SORCS2: variants seen among roughly 807,000 people sequenced by gnomAD.
SORCS2 encodes the protein sortilin related VPS10 domain containing receptor 2.
Under a neutral mutation model 141.6 loss-of-function variants are expected in SORCS2, and 100 were observed. The ratio of observed to expected loss-of-function variants is 0.71; its 90% CI spans 0.60 to 0.83. The LOEUF (loss-of-function observed/expected upper bound fraction) is 0.83. Among genes scored for constraint, SORCS2 ranks in the 40% least tolerant of loss-of-function variants. The probability of loss-of-function intolerance (pLI) is 0.00; values close to 1 mark genes in which losing one functional copy is unlikely to be tolerated. For synonymous variants in SORCS2, 789 were observed against 676.9 expected (o/e 1.17, Z -2.57); for missense variants, 1,646 against 1,560.2 (o/e 1.05, Z -0.93).
chr4:7,718,655 A>G (rs962227377), intron 18 of SORCS2, among the ~76,000 whole-genome samples: 1 of 152,260 alleles, frequency 6.6e-6, no homozygotes, highest in African/African-American at 2.4e-5. Flanking sequence ...ATGGACAGAT[A>G]CAGATATAAA....
intron 3 of SORCS2, among the ~76,000 whole-genome samples, chr4:7,602,351 T>G (rs1717759658): frequency 6.6e-6 from 1 of 150,690 alleles, no homozygotes; most frequent in Non-Finnish European, 1.5e-5. Flanking sequence ...CGCTCCTCAC[T>G]TCCCAGACGG....
At chr4:7,338,444 A>T (rs939086694) in intron 1 of SORCS2, among the ~76,000 whole-genome samples, 3 of 149,358 alleles carry the variant, frequency 2.0e-5, no homozygotes, top group Non-Finnish European at 4.4e-5. Flanking sequence ...GGATGGATGG[A>T]TGAATGGCCT....
At chr4:7,730,084 G>A (rs1023543801) in intron 23 of SORCS2, among the ~76,000 whole-genome samples, 12 of 152,156 alleles carry the variant, frequency 7.9e-5, no homozygotes, top group East Asian at 7.7e-4. Context: ...TGTGGGTTTC[G>A]GGGCCGAGCA....
intron 1 of SORCS2, among the ~76,000 whole-genome samples, chr4:7,258,657 T>C (rs1458296105): frequency 6.6e-6 from 1 of 152,248 alleles, no homozygotes; most frequent in Non-Finnish European, 1.5e-5. Context: ...TTTGGGTATA[T>C]ACCCAGTAAT....
chr4:7,492,381 C>A (rs944871614), intron 2 of SORCS2, among the ~76,000 whole-genome samples: 1 of 152,218 alleles, frequency 6.6e-6, no homozygotes, highest in Non-Finnish European at 1.5e-5. Context: ...CCAGGCCCAT[C>A]CATGTTGCTG....
intron 3 of SORCS2, among the ~76,000 whole-genome samples, chr4:7,559,764 C>T (rs375617660): frequency 5.9e-5 from 9 of 152,196 alleles, no homozygotes; most frequent in Non-Finnish European, 1.0e-4. Context: ...TTTCCCCCTC[C>T]GGGTGGTTGT....
At chr4:7,723,157 C>G (rs1450457282) in intron 18 of SORCS2, among the ~76,000 whole-genome samples, 5 of 152,154 alleles carry the variant, frequency 3.3e-5, no homozygotes, top group Admixed American at 3.3e-4. Flanking sequence ...CTGCACTCAC[C>G]CTGCCCCATC....
At chr4:7,506,503 C>A (rs57659586) in intron 2 of SORCS2, among the ~76,000 whole-genome samples, 2 of 134,672 alleles carry the variant, frequency 1.5e-5, no homozygotes, top group East Asian at 2.3e-4. Flanking sequence ...CTCATTCATT[C>A]ATTTGTTCAT....
intron 1 of SORCS2, among the ~76,000 whole-genome samples, chr4:7,370,546 T>C (rs1359659879): frequency 2.0e-5 from 3 of 152,268 alleles, no homozygotes; most frequent in Non-Finnish European, 2.9e-5. Context: ...GCAGCTTGGC[T>C]GACTAATATT....
intron 2 of SORCS2, among the ~76,000 whole-genome samples, chr4:7,412,449 C>T (rs1323758118): frequency 6.6e-6 from 1 of 152,142 alleles, no homozygotes; most frequent in African/African-American, 2.4e-5. Flanking sequence ...ACAGCCCTGC[C>T]CATCCAGACG....
intron 2 of SORCS2, among the ~76,000 whole-genome samples, chr4:7,484,899 C>T (rs1385759763): frequency 6.6e-6 from 1 of 152,166 alleles, no homozygotes; most frequent in African/African-American, 2.4e-5. Context: ...CTCCTCCACA[C>T]AGCCTGCCTC....
At chr4:7,272,058 G>T (rs1404409464) in intron 1 of SORCS2, among the ~76,000 whole-genome samples, 1 of 152,214 alleles carries the variant, frequency 6.6e-6, no homozygotes, top group Non-Finnish European at 1.5e-5. Flanking sequence ...ACGTGGATGG[G>T]GTTTCCAATG....
intron 1 of SORCS2, among the ~76,000 whole-genome samples, chr4:7,395,345 TG>T (rs1166922942): frequency 6.6e-6 from 1 of 152,184 alleles, no homozygotes; most frequent in Non-Finnish European, 1.5e-5. Flanking sequence ...GGCTAACAGC[TG>T]CTCCAAAACC....
At chr4:7,315,758 C>A (rs1303867294) in intron 1 of SORCS2, among the ~76,000 whole-genome samples, 1 of 152,226 alleles carries the variant, frequency 6.6e-6, no homozygotes, top group East Asian at 1.9e-4. Context: ...CTTCTGCCAT[C>A]TGCTCTGGTT....
intron 4 of SORCS2, among the ~76,000 whole-genome samples, chr4:7,641,070 G>T (rs991159316): frequency 2.6e-5 from 4 of 152,164 alleles, no homozygotes; most frequent in Admixed American, 6.5e-5. Flanking sequence ...GCCCAAATCA[G>T]CAGCCTTCCC....
rs1217435818 is a variant in SORCS2, at chr4:7,661,571, C to T, written c.952+7C>T. On this transcript the variant is annotated splice_region_variant and intron_variant, in intron 6 of 26. Coordinates refer to ENST00000507866, the MANE Select transcript of SORCS2 (RefSeq NM_020777.3). ...GCCCAAGACCTCGGTGGAGGTAAGC[C>T]GGGCAGTGCACAGGCACCGGGTATC... 39 of 1,551,464 alleles carry T rather than the reference C, an allele frequency of 2.5e-5. No individual in the cohort carries two copies. Among genetic ancestry groups the T allele is most frequent in the Middle Eastern group, 1.7e-4 (1 of 6,010 alleles).
Position 7,338,127 on chromosome 4 carries a change from A to G in SORCS2, c.481-58161A>G, listed in dbSNP as rs1340829393. Among the ~76,000 whole-genome samples, 5 of 151,110 alleles carry G rather than the reference A, an allele frequency of 3.3e-5. No homozygotes were observed. The East Asian group carries it at 5.8e-4, about 18-fold the overall frequency. ...GGATGGATGTTGGATGGATGGATGG[A>G]TGGATGGATGTTGGTTGCATGGATG... On this transcript the variant is annotated intron_variant, in intron 1 of 26. Transcript: ENST00000507866.
intron 2 of SORCS2, among the ~76,000 whole-genome samples, chr4:7,444,940 G>T (rs540427490): frequency 6.6e-6 from 1 of 152,248 alleles, no homozygotes; most frequent in Admixed American, 6.5e-5. Context: ...ACGATGAACC[G>T]GAGGAGGCGA....
At chr4:7,373,851 C>G (rs972955957) in intron 1 of SORCS2, among the ~76,000 whole-genome samples, 2 of 152,020 alleles carry the variant, frequency 1.3e-5, no homozygotes, top group Admixed American at 6.5e-5. Flanking sequence ...AAATTTCCTC[C>G]CAGTCTGTGG....
Sources: allele counts gnomAD v4.1 joint callset (sites outside exome capture counted in the v4.1 genomes callset), GRCh38; gene constraint gnomAD v4.1.1; transcripts MANE v1.5; gene names NCBI Gene and HGNC (gene_info 2026-07-23, HGNC 2026-07-21).